Variants in COL5A1 observed in about 807,000 individuals in gnomAD.
COL5A1 encodes collagen alpha-1(V) chain.
Under a neutral mutation model 263.7 loss-of-function variants are expected in COL5A1, and 16 were observed. The ratio of observed to expected loss-of-function variants is 0.06; its 90% confidence interval spans 0.04 to 0.09. The LOEUF is 0.09. Ranked by LOEUF, COL5A1 falls within the 10% of genes least tolerant of loss-of-function variation. The pLI, the probability that COL5A1 is intolerant of heterozygous loss-of-function variation, is 1.00. For synonymous variants in COL5A1, 1,012 were observed against 1,004.5 expected, an observed-to-expected ratio of 1.01 and a Z score of -0.14; for missense variants, 2,036 against 2,540.5, an observed-to-expected ratio of 0.80 and a Z score of 4.27.
At chr9:134,759,938 T>C (rs530300546) in intron 18 of COL5A1, among the ~76,000 whole-genome samples, 3 of 60,508 alleles carry the variant, frequency 5.0e-5, no homozygotes, top group Non-Finnish European at 9.1e-5. Flanking sequence ...CACACACGCA[T>C]ACATACCCCC....
At chr9:134,661,519 C>T (rs1358872570) in intron 1 of COL5A1, among the ~76,000 whole-genome samples, 3 of 151,848 alleles carry the variant, frequency 2.0e-5, no homozygotes, top group Non-Finnish European at 4.4e-5. Context: ...GAGGTCAGTA[C>T]GGTTCTCCTG....
At chr9:134,816,273 C>T (rs945269880) in intron 52 of COL5A1, among the ~76,000 whole-genome samples, 2 of 152,218 alleles carry the variant, frequency 1.3e-5, no homozygotes, top group Non-Finnish European at 2.9e-5. Flanking sequence ...ATGGGCTCGC[C>T]CGGGAACGTC....
At chr9:134,792,904 C>T (rs867360659) in intron 32 of COL5A1, among the ~76,000 whole-genome samples, 2 of 29,840 alleles carry the variant, frequency 6.7e-5, no homozygotes, top group Non-Finnish European at 1.6e-4. Flanking sequence ...CGCGTGTGTG[C>T]ACGCGCGTGT....
At chr9:134,756,881 G>A in intron 17 of COL5A1, 63 bp downstream of exon 17, 1 of 1,507,554 alleles carries the variant, frequency 6.6e-7, no homozygotes, top group Non-Finnish European at 9.2e-7. Flanking sequence ...TCATGTTGAT[G>A]ATGTAACCAA....
intron 1 of COL5A1, chr9:134,649,441 G>C: frequency 2.2e-6 from 1 of 463,908 alleles, no homozygotes; most frequent in Non-Finnish European, 4.4e-6. Flanking sequence ...CAGCCTATTT[G>C]CCGAGATGTC....
At chr9:134,659,688 G>A (rs1386931436) in intron 1 of COL5A1, among the ~76,000 whole-genome samples, 2 of 152,182 alleles carry the variant, frequency 1.3e-5, no homozygotes, top group African/African-American at 4.8e-5. Flanking sequence ...CGGGTCTCAG[G>A]AGGGAGCGGG....
intron 63 of COL5A1, among the ~76,000 whole-genome samples, chr9:134,826,820 G>A (rs930780561): frequency 6.6e-5 from 10 of 151,052 alleles, no homozygotes; most frequent in Non-Finnish European, 1.2e-4. Flanking sequence ...GTGTGGGTGT[G>A]TGGCTGGTGT....
At chr9:134,764,067 G>T (rs1200519489) in intron 20 of COL5A1, among the ~76,000 whole-genome samples, 2 of 146,216 alleles carry the variant, frequency 1.4e-5, no homozygotes, top group Non-Finnish European at 3.0e-5. Flanking sequence ...GGGCATTGTG[G>T]AGGGTCTGAG....
Position 134,843,752 on chromosome 9 carries a change from T to C in COL5A1, c.*1449T>C, listed in dbSNP as rs893335367. On this transcript the variant is annotated 3_prime_UTR_variant, in exon 66 of 66. Transcript: ENST00000371817. ...TCTGTGTTTGTTCCAAGCCGTTCAG[T>C]CATGCCATGCGCTGCCTCGGTAGAT... 1.3e-5 allele frequency: 2 copies of C among 152,738 alleles called. No homozygotes were observed. The highest frequency in any genetic ancestry group is 4.8e-5 in the African/African-American group (2 of 41,478). 9.5% of individuals were successfully genotyped at this position (152,738 alleles called of 1,614,324 possible).
At chr9:134,749,206 G>C (rs1835685763) in intron 11 of COL5A1, among the ~76,000 whole-genome samples, 1 of 152,198 alleles carries the variant, frequency 6.6e-6, no homozygotes, top group Non-Finnish European at 1.5e-5. Flanking sequence ...CTGCACTCCA[G>C]CCTGGGCAAC....
At chr9:134,786,956 C>T (rs934461196) in intron 31 of COL5A1, among the ~76,000 whole-genome samples, 25 of 152,192 alleles carry the variant, frequency 1.6e-4, no homozygotes, top group Non-Finnish European at 3.4e-4. Context: ...TGCTCCTGTC[C>T]GTCCTTCCTG....
intron 11 of COL5A1, among the ~76,000 whole-genome samples, chr9:134,749,302 G>A (rs925396193): frequency 2.0e-5 from 3 of 152,232 alleles, no homozygotes; most frequent in African/African-American, 4.8e-5. Flanking sequence ...GTTAGTTAGT[G>A]TGTCCAGCAT....
At chr9:134,691,195 C>A in intron 2 of COL5A1, 116 bp downstream of exon 2, 1 of 1,352,734 alleles carries the variant, frequency 7.4e-7, no homozygotes. Context: ...TTCCAGGAAG[C>A]CCCTCTCACG....
chr9:134,666,169 G>A (rs917749566), intron 1 of COL5A1, among the ~76,000 whole-genome samples: 1 of 152,334 alleles, frequency 6.6e-6, no homozygotes, highest in East Asian at 1.9e-4. Context: ...GACTATATAT[G>A]ATCACTCAGT....
intron 1 of COL5A1, among the ~76,000 whole-genome samples, chr9:134,645,794 C>G (rs73556930): frequency 0.012 from 1,846 of 152,324 alleles, 40 homozygotes; most frequent in African/African-American, 0.043. Context: ...TTCTCACTTC[C>G]CATCGGTTTA....
At chr9:134,733,605 C>A (rs1834985003) in intron 9 of COL5A1, among the ~76,000 whole-genome samples, 1 of 152,178 alleles carries the variant, frequency 6.6e-6, no homozygotes, top group Admixed American at 6.5e-5. Context: ...GGCCAGGATC[C>A]CCCTGCTCAG....
In COL5A1 at chr9:134,696,898, A is replaced by G. The variant is rs1291288991; in HGVS notation, c.278-3011A>G. Among the ~76,000 whole-genome samples the G allele has an allele frequency of 6.6e-6, 1 of 152,028 alleles. No homozygotes were observed. The highest frequency in any genetic ancestry group is 1.5e-5 in the Non-Finnish European group (1 of 67,998). ...ATCCTGGCTAACACGGTGAAACCCC[A>G]TCCCTACTAAAAATACAAAAAAATT... On this transcript the variant is annotated intron_variant, in intron 2 of 65. Transcript: ENST00000371817. The surrounding 1 kb of genome is among the most constrained non-coding windows in gnomAD (Gnocchi z 4.3).
At chr9:134,714,003 T>G (rs898897449) in intron 4 of COL5A1, among the ~76,000 whole-genome samples, 7 of 152,230 alleles carry the variant, frequency 4.6e-5, no homozygotes, top group Non-Finnish European at 8.8e-5. Flanking sequence ...CGTGACGCTC[T>G]CCTTGACCTC....
chr9:134,671,195 C>A (rs1431712877), intron 1 of COL5A1, among the ~76,000 whole-genome samples: 1 of 152,218 alleles, frequency 6.6e-6, no homozygotes, highest in African/African-American at 2.4e-5. Flanking sequence ...ACAGCTCCTG[C>A]GCATGAGACA....
Sources: gnomAD v4.1 joint callset for allele counts (sites outside exome capture counted in the v4.1 genomes callset) on GRCh38, gnomAD v4.1.1 for gene constraint, Gnocchi (gnomAD v3.1) non-coding constraint, MANE v1.5 for transcripts, NCBI Gene and HGNC (gene_info 2026-07-23, HGNC 2026-07-21) for gene names.